The following ZNF407 variants were observed in gnomAD, a reference collection of about 807,000 sequenced individuals.
ZNF407 encodes the protein zinc finger protein 407.
Under a neutral mutation model 131.2 loss-of-function variants are expected in ZNF407, and 17 were observed. The observed-to-expected ratio is 0.13, with a 90% CI of 0.09 to 0.19. The LOEUF is 0.19. Ranked by LOEUF, ZNF407 falls within the 10% of genes least tolerant of loss-of-function variation. The probability of loss-of-function intolerance (pLI) is 1.00; values close to 1 mark genes in which losing one functional copy is unlikely to be tolerated. For missense variants in ZNF407, 2,681 were observed against 2,830.6 expected (o/e 0.95, Z 1.20); for synonymous variants, 1,156 against 1,062.0 (o/e 1.09, Z -1.72).
chr18:74,751,829 C>G (rs1364458037), intron 3 of ZNF407, among the ~76,000 whole-genome samples: 2 of 152,304 alleles, frequency 1.3e-5, no homozygotes, highest in Non-Finnish European at 2.9e-5. Context: ...CCGCAGTAGA[C>G]ATACATGTGC....
At chr18:74,978,421 A>AT (rs2145310804) in intron 8 of ZNF407, among the ~76,000 whole-genome samples, 1 of 152,268 alleles carries the variant, frequency 6.6e-6, no homozygotes, top group South Asian at 2.1e-4. Flanking sequence ...TACTACTGTG[A>AT]TTAAGAAAGA....
At chr18:74,860,222 G>T (rs998454888) in intron 4 of ZNF407, among the ~76,000 whole-genome samples, 1 of 151,900 alleles carries the variant, frequency 6.6e-6, no homozygotes, top group African/African-American at 2.4e-5. Flanking sequence ...CCTTGAGCCT[G>T]GGAGTTCAAG....
intron 8 of ZNF407, among the ~76,000 whole-genome samples, chr18:74,969,608 G>T (rs1972448768): frequency 6.6e-6 from 1 of 152,182 alleles, no homozygotes; most frequent in South Asian, 2.1e-4. Flanking sequence ...GTGTCTGTTG[G>T]TGGGGAAGGA....
intron 4 of ZNF407, among the ~76,000 whole-genome samples, chr18:74,874,597 G>A (rs1015732536): frequency 3.9e-5 from 6 of 152,214 alleles, no homozygotes; most frequent in South Asian, 2.1e-4. Flanking sequence ...TGCATCTCCC[G>A]TCTCTGATAC....
At chr18:74,984,517 T>C (rs1016956910) in intron 8 of ZNF407, among the ~76,000 whole-genome samples, 3 of 152,222 alleles carry the variant, frequency 2.0e-5, no homozygotes, top group Non-Finnish European at 4.4e-5. Flanking sequence ...AGGTTCAGCA[T>C]GTAAGTTGTT....
chr18:75,064,102 G>A lies in ZNF407; in HGVS notation c.6381G>A (p.Glu2127=). 6.3e-7 allele frequency: 1 copy of A among 1,592,834 alleles called. No individual in the cohort carries two copies. Among genetic ancestry groups the A allele is most frequent in the Non-Finnish European group, 8.5e-7 (1 of 1,170,270 alleles). ...AGGGTGCCCAGATCATCATGCAGGAGGCGCAGGGCGAGCACATGGATCTGG... is the reference window on the plus strand; with the variant it reads ...AGGGTGCCCAGATCATCATGCAGGAAGCGCAGGGCGAGCACATGGATCTGG... The part of the protein sequence containing the change: ...AGEGAQIIMQ[E]AQGEHMDLVE... Residue 2127 remains glutamate (E), a synonymous_variant, in exon 9 of 9, where the codon GAG becomes GAA. Transcript: ENST00000299687.
intron 3 of ZNF407, among the ~76,000 whole-genome samples, chr18:74,719,511 T>C (rs987535364): frequency 3.3e-5 from 5 of 152,198 alleles, no homozygotes; most frequent in Admixed American, 2.6e-4. Flanking sequence ...GCCATTCTCC[T>C]GCCTCAGTCT....
intron 3 of ZNF407, among the ~76,000 whole-genome samples, chr18:74,737,071 T>A (rs999772528): frequency 1.2e-4 from 18 of 152,340 alleles, no homozygotes; most frequent in Non-Finnish European, 2.2e-4. Context: ...GTAGACAGTT[T>A]TTTCTTTTAT....
chr18:74,634,294 A>T lies in ZNF407; in HGVS notation c.3275A>T (p.Lys1092Ile), dbSNP rs762943217. Residue 1092 changes from lysine (K) to isoleucine (I), a missense_variant, in exon 2 of 9, where the codon AAA becomes ATA. By Grantham distance (102) the Lys-to-Ile change is moderately radical. Coordinates refer to ENST00000299687, the MANE Select transcript of ZNF407 (RefSeq NM_017757.3). ...NVEAGSADMS[K>I]NIIMPEEEHQ... Reference sequence around the variant, plus strand: ...GAAGCTGGTTCTGCAGACATGTCCAAAAACATCATTATGCCTGAAGAAGAG... The same window carrying T: ...GAAGCTGGTTCTGCAGACATGTCCATAAACATCATTATGCCTGAAGAAGAG... The T allele has an allele frequency of 6.2e-7, 1 of 1,613,936 alleles. No individual in the cohort carries two copies. The highest frequency in any genetic ancestry group is 8.5e-7 in the Non-Finnish European group (1 of 1,179,900).
intron 8 of ZNF407, among the ~76,000 whole-genome samples, chr18:74,987,872 A>G (rs1972671881): frequency 1.3e-5 from 2 of 152,346 alleles, no homozygotes; most frequent in South Asian, 4.1e-4. Context: ...AATGTCAGGT[A>G]TCCCCACATT....
At chr18:74,793,534 G>T (rs1969864314) in intron 4 of ZNF407, among the ~76,000 whole-genome samples, 1 of 152,182 alleles carries the variant, frequency 6.6e-6, no homozygotes, top group Non-Finnish European at 1.5e-5. Flanking sequence ...AGAAAAGTTT[G>T]TTGAATGTTG....
intron 4 of ZNF407, among the ~76,000 whole-genome samples, chr18:74,801,737 A>C (rs1296350171): frequency 3.3e-5 from 5 of 152,222 alleles, no homozygotes. Context: ...TATGAACTTC[A>C]CATGGAAGAG....
chr18:74,711,631 G>T (rs962468967), intron 3 of ZNF407, among the ~76,000 whole-genome samples: 1 of 152,202 alleles, frequency 6.6e-6, no homozygotes, highest in Non-Finnish European at 1.5e-5. Flanking sequence ...TAATAAATAT[G>T]TGTGTTTTAC....
chr18:74,882,687 C>T (rs528777022), intron 6 of ZNF407, among the ~76,000 whole-genome samples: 258 of 152,156 alleles, frequency 1.7e-3, no homozygotes, highest in African/African-American at 6.0e-3. Context: ...AAAACAAGGT[C>T]CATTTTAAGT....
intron 8 of ZNF407, among the ~76,000 whole-genome samples, chr18:75,004,859 C>T (rs374298266): frequency 1.1e-4 from 16 of 152,274 alleles, no homozygotes; most frequent in South Asian, 2.1e-4. Flanking sequence ...GTGGTAAATA[C>T]GCCTCTCCTC....
chr18:74,818,858 T>A, intron 4 of ZNF407, among the ~76,000 whole-genome samples: 1 of 64,320 alleles, frequency 1.6e-5, no homozygotes. Context: ...TTAAGGCCAT[T>A]GAACAGTAAA....
intron 4 of ZNF407, among the ~76,000 whole-genome samples, chr18:74,869,545 C>T (rs1315909460): frequency 6.6e-6 from 1 of 152,122 alleles, no homozygotes; most frequent in Admixed American, 6.5e-5. Context: ...AGAACTAAAC[C>T]AACTTCTTGA....
chr18:74,652,277 C>A (rs1985262567), intron 3 of ZNF407, among the ~76,000 whole-genome samples: 1 of 152,050 alleles, frequency 6.6e-6, no homozygotes, highest in Non-Finnish European at 1.5e-5. Context: ...CTATCATTAT[C>A]TAAAACACAT....
intron 2 of ZNF407, among the ~76,000 whole-genome samples, chr18:74,638,493 A>C (rs1984562991): frequency 6.6e-6 from 1 of 152,190 alleles, no homozygotes; most frequent in Admixed American, 6.5e-5. Flanking sequence ...AAGGGCTTTC[A>C]TTTGGTATTT....
Sources: gnomAD v4.1 joint callset for allele counts (sites outside exome capture counted in the v4.1 genomes callset) on GRCh38, gnomAD v4.1.1 for gene constraint, MANE v1.5 for transcripts, NCBI Gene and HGNC (gene_info 2026-07-23, HGNC 2026-07-21) for gene names.